Variants in OSBPL10 observed in about 807,000 individuals in gnomAD.
OSBPL10 encodes oxysterol-binding protein-related protein 10.
A neutral mutation model predicts 81.7 loss-of-function variants in OSBPL10; 49 were observed. That is an observed-to-expected ratio of 0.60 (90% CI 0.48 to 0.76). OSBPL10 has a LOEUF of 0.76. OSBPL10 is among the 30% of genes least tolerant of loss of function. The probability of loss-of-function intolerance (pLI) is 0.00; values close to 1 mark genes in which losing one functional copy is unlikely to be tolerated. For synonymous variants in OSBPL10, 419 were observed against 383.6 expected, an observed-to-expected ratio of 1.09 and a Z score of -1.08; for missense variants, 923 against 987.8, an observed-to-expected ratio of 0.93 and a Z score of 0.88.
chr3:31,795,813 C>CTT (rs1699198142), intron 4 of OSBPL10: 1 of 244,634 alleles, frequency 4.1e-6, no homozygotes, highest in Non-Finnish European at 9.1e-6. Flanking sequence ...AGTCTCACTT[C>CTT]CTTCTACCTG....
intron 1 of OSBPL10, among the ~76,000 whole-genome samples, chr3:31,957,916 G>A (rs1302117298): frequency 6.6e-6 from 1 of 152,192 alleles, no homozygotes; most frequent in Non-Finnish European, 1.5e-5. Flanking sequence ...TAGGATTACA[G>A]GCGTGAGCCA....
chr3:31,873,644 T>G (rs1291092937), intron 3 of OSBPL10, among the ~76,000 whole-genome samples: 1 of 152,174 alleles, frequency 6.6e-6, no homozygotes, highest in African/African-American at 2.4e-5. Context: ...CAAGCAGCTG[T>G]AGGGAAAGTA....
intron 8 of OSBPL10, among the ~76,000 whole-genome samples, chr3:31,677,166 G>A (rs1357193794): frequency 2.0e-5 from 3 of 152,180 alleles, no homozygotes; most frequent in Admixed American, 1.3e-4. Context: ...CAGGAAATAT[G>A]CGAGGGAAGG....
At chr3:31,848,605 C>T (rs965380703) in intron 3 of OSBPL10, among the ~76,000 whole-genome samples, 1 of 152,154 alleles carries the variant, frequency 6.6e-6, no homozygotes, top group African/African-American at 2.4e-5. Context: ...AATTGCATTT[C>T]TGCCCCAGAA....
At chr3:31,675,859 T>C (rs1012914452) in intron 8 of OSBPL10, among the ~76,000 whole-genome samples, 1 of 145,702 alleles carries the variant, frequency 6.9e-6, no homozygotes, top group Non-Finnish European at 1.5e-5. Flanking sequence ...GGCAGGAGAA[T>C]GGCGTGAACC....
intron 2 of OSBPL10, among the ~76,000 whole-genome samples, chr3:32,031,462 ATTT>A (rs758906495): frequency 1.9e-4 from 28 of 149,566 alleles, no homozygotes; most frequent in Middle Eastern, 3.4e-3. Context: ...TTCTTAAATA[ATTT>A]TTTTTTTTTT....
At chr3:31,700,247 T>C (rs908802550) in intron 7 of OSBPL10, 2 of 152,240 alleles carry the variant, frequency 1.3e-5, no homozygotes, top group Non-Finnish European at 2.9e-5. Context: ...AGGCTGTGGC[T>C]CTGGAAATGC....
chr3:31,754,811 G>T (rs548258996), intron 4 of OSBPL10, among the ~76,000 whole-genome samples: 1 of 152,226 alleles, frequency 6.6e-6, no homozygotes, highest in East Asian at 1.9e-4. Flanking sequence ...TCTCAGTTTC[G>T]GTGTCAGATA....
chr3:32,042,609 C>T (rs1027058812), intron 2 of OSBPL10, among the ~76,000 whole-genome samples: 7 of 151,896 alleles, frequency 4.6e-5, no homozygotes, highest in African/African-American at 9.7e-5. Context: ...AAGTGTTGGC[C>T]GGCCGAGAAA....
At chr3:31,834,792 C>T (rs920250999) in intron 3 of OSBPL10, among the ~76,000 whole-genome samples, 2 of 152,110 alleles carry the variant, frequency 1.3e-5, no homozygotes, top group African/African-American at 4.8e-5. Context: ...GGCCCTGTAC[C>T]CACCCAGTAC....
chr3:31,698,891 C>T (rs931745200), intron 7 of OSBPL10, among the ~76,000 whole-genome samples: 4 of 152,178 alleles, frequency 2.6e-5, no homozygotes, highest in African/African-American at 7.2e-5. Flanking sequence ...TCTCCATCTC[C>T]TTTTCTTTTC....
chr3:31,912,337 T>C (rs1273870071), intron 1 of OSBPL10, among the ~76,000 whole-genome samples: 7 of 149,344 alleles, frequency 4.7e-5, no homozygotes, highest in Non-Finnish European at 8.9e-5. Flanking sequence ...GAGGTTGCAG[T>C]GAGCCGAGAT....
At chr3:31,849,098 C>T (rs1464322756) in intron 3 of OSBPL10, among the ~76,000 whole-genome samples, 1 of 152,156 alleles carries the variant, frequency 6.6e-6, no homozygotes, top group Non-Finnish European at 1.5e-5. Flanking sequence ...TCTGCTCCTG[C>T]TACTTTTGAA....
At chr3:32,040,416 A>G (rs576382381) in intron 2 of OSBPL10, among the ~76,000 whole-genome samples, 143 of 151,932 alleles carry the variant, frequency 9.4e-4, no homozygotes, top group African/African-American at 2.8e-3. Context: ...CAAAAAATAT[A>G]TATATAGAAA....
At chr3:31,768,395 A>G (rs531093034) in intron 4 of OSBPL10, among the ~76,000 whole-genome samples, 1 of 152,218 alleles carries the variant, frequency 6.6e-6, no homozygotes, top group African/African-American at 2.4e-5. Context: ...AGGAAAATGC[A>G]TTTTCTCCTT....
At chr3:31,743,034 T>G (rs1046920060) in intron 5 of OSBPL10, among the ~76,000 whole-genome samples, 4 of 44,712 alleles carry the variant, frequency 8.9e-5, no homozygotes, top group East Asian at 3.1e-3. Flanking sequence ...TAAATTAGTT[T>G]TTTTTTTTTT....
At chr3:31,769,463 A>AAC in intron 4 of OSBPL10, among the ~76,000 whole-genome samples, 1 of 100,254 alleles carries the variant, frequency 1.0e-5, no homozygotes, top group Non-Finnish European at 2.1e-5. Flanking sequence ...AAAAAACAAA[A>AAC]AAAAAACAAA....
chr3:31,767,121 T>G (rs1698225201), intron 4 of OSBPL10, among the ~76,000 whole-genome samples: 1 of 152,238 alleles, frequency 6.6e-6, no homozygotes, highest in South Asian at 2.1e-4. Context: ...GGCTATACTT[T>G]CATTAACTTT....
intron 4 of OSBPL10, among the ~76,000 whole-genome samples, chr3:31,796,346 T>G (rs888934321): frequency 6.6e-6 from 1 of 152,060 alleles, no homozygotes; most frequent in African/African-American, 2.4e-5. Flanking sequence ...ATTAGTGAAA[T>G]AAATTTTAGA....
Sources: gnomAD v4.1 joint callset for allele counts (sites outside exome capture counted in the v4.1 genomes callset) on GRCh38, gnomAD v4.1.1 for gene constraint, MANE v1.5 for transcripts, NCBI Gene and HGNC (gene_info 2026-07-23, HGNC 2026-07-21) for gene names.